PTH2R: variants seen among roughly 807,000 people sequenced by gnomAD.
The protein encoded by PTH2R is parathyroid hormone 2 receptor.
In PTH2R, 59 loss-of-function variants were observed where a neutral mutation model predicts 60.3. The observed-to-expected ratio is 0.98, with a 90% confidence interval of 0.79 to 1.22. The LOEUF (loss-of-function observed/expected upper bound fraction) is 1.22. Among genes scored for constraint, PTH2R ranks in the 50% most tolerant of loss-of-function variants. The pLI is 0.00. For missense variants in PTH2R, 749 were observed against 682.6 expected (o/e 1.10, Z -1.08); for synonymous variants, 256 against 243.8 (o/e 1.05, Z -0.47).
At chr2:208,430,047 C>T (rs1364260999) in intron 2 of PTH2R, among the ~76,000 whole-genome samples, 3 of 152,126 alleles carry the variant, frequency 2.0e-5, no homozygotes, top group African/African-American at 7.2e-5. Context: ...AGACATTTTT[C>T]TCATTTTATT....
At chr2:208,397,829 CAAG>C (rs1274104329) in intron 1 of PTH2R, among the ~76,000 whole-genome samples, 1 of 152,164 alleles carries the variant, frequency 6.6e-6, no homozygotes, top group African/African-American at 2.4e-5. Flanking sequence ...CATGTGGGCA[CAAG>C]AAGATGGCAG....
chr2:208,493,475 T>C lies in PTH2R; in HGVS notation c.1469T>C (p.Ile490Thr). Residue 490 changes from isoleucine to threonine, a missense_variant, in exon 13 of 13, where the codon ATC becomes ACC. Coordinates refer to ENST00000272847, the MANE Select transcript of PTH2R (RefSeq NM_005048.4). ...GCCAGCAGACAGCCTGACAGCCACA[T>C]CACTTTACCTGGCTATGTCTGGAGT... Reference protein sequence around the residue: ...KIASRQPDSHITLPGYVWSNS... With the variant: ...KIASRQPDSHTTLPGYVWSNS... 1 of 1,612,152 alleles carries C rather than the reference T, an allele frequency of 6.2e-7. No individual in the cohort carries two copies. The highest frequency in any genetic ancestry group is 8.5e-7 in the Non-Finnish European group (1 of 1,178,758).
chr2:208,465,270 C>T (rs1328105598), intron 9 of PTH2R, among the ~76,000 whole-genome samples: 1 of 152,008 alleles, frequency 6.6e-6, no homozygotes, highest in Non-Finnish European at 1.5e-5. Context: ...GCCACCATGC[C>T]CAGCCATATG....
At chr2:208,411,424 T>C (rs373410565) in intron 1 of PTH2R, among the ~76,000 whole-genome samples, 2 of 152,240 alleles carry the variant, frequency 1.3e-5, no homozygotes, top group South Asian at 2.1e-4. Context: ...CTTAAATCCC[T>C]GAGGAATGGG....
intron 1 of PTH2R, among the ~76,000 whole-genome samples, chr2:208,368,850 C>G (rs1279245609): frequency 6.6e-6 from 1 of 152,180 alleles, no homozygotes; most frequent in Non-Finnish European, 1.5e-5. Flanking sequence ...AAGGAAATCT[C>G]TCTACATTGA....
chr2:208,487,873 C>T (rs189277223), intron 10 of PTH2R, among the ~76,000 whole-genome samples: 218 of 152,284 alleles, frequency 1.4e-3, no homozygotes, highest in African/African-American at 4.3e-3. Flanking sequence ...CTTGCTTCAT[C>T]GAACCAAGCA....
intron 1 of PTH2R, among the ~76,000 whole-genome samples, chr2:208,398,403 T>A (rs1701250535): frequency 6.6e-6 from 1 of 152,168 alleles, no homozygotes; most frequent in Non-Finnish European, 1.5e-5. Flanking sequence ...TTTATGGTAA[T>A]GGTTGGTTGG....
chr2:208,460,158 C>G (rs1198168432), intron 9 of PTH2R, among the ~76,000 whole-genome samples, 197 bp downstream of exon 9: 1 of 152,104 alleles, frequency 6.6e-6, no homozygotes, highest in Non-Finnish European at 1.5e-5. Context: ...AGAAAGCCTT[C>G]CTTTAATCAG....
intron 7 of PTH2R, among the ~76,000 whole-genome samples, chr2:208,449,857 C>T (rs932009959): frequency 5.3e-5 from 8 of 152,092 alleles, no homozygotes; most frequent in Non-Finnish European, 1.0e-4. Flanking sequence ...ATTTTGTTTT[C>T]CCCTTTTGTA....
chr2:208,465,944 A>G (rs1258453495), intron 9 of PTH2R, among the ~76,000 whole-genome samples: 1 of 152,120 alleles, frequency 6.6e-6, no homozygotes, highest in Non-Finnish European at 1.5e-5. Context: ...GTCTATTTAT[A>G]ACTGCTATAA....
At chr2:208,401,920 C>T (rs1487051329), upstream of PTH2R, among the ~76,000 whole-genome samples, 3 of 152,166 alleles carry the variant, frequency 2.0e-5, no homozygotes, top group South Asian at 2.1e-4. Context: ...TACACAGCTC[C>T]CTGGTTCCTC....
intron 1 of PTH2R, among the ~76,000 whole-genome samples, chr2:208,399,880 T>A (rs1701276249): frequency 6.6e-6 from 1 of 152,200 alleles, no homozygotes; most frequent in African/African-American, 2.4e-5. Flanking sequence ...TCCTTTCTGA[T>A]AGAGAAAAGT....
chr2:208,450,749 G>C lies in PTH2R; in HGVS notation c.854G>C (p.Gly285Ala), dbSNP rs200192411. 2 of 1,613,634 alleles carry C rather than the reference G, an allele frequency of 1.2e-6. No individual in the cohort carries two copies. Among genetic ancestry groups the C allele is most frequent in the Non-Finnish European group, 1.7e-6 (2 of 1,179,798 alleles). The change falls in exon 8 of 13, where the codon GGG becomes GCG. Residue 285 changes from glycine (G) to alanine (A), a missense_variant and splice_region_variant. Transcript: ENST00000272847. ...YLWGFILIGW[G>A]FPAAFVAAWA... ...TCTCTGAATCATTTTCTGATTTCAG[G>C]GTTTCCAGCAGCATTTGTTGCAGCA...
rs184264063 is a variant in PTH2R, at chr2:208,482,918, C to T, written c.1076+1754C>T. ...GTGATGTGAAGCCTCCCTGACTGCA[C>T]GTCCATTCATAGGCTCTCTGCAGGG... is the stretch of plus-strand genomic sequence containing the variant. On this transcript the variant is annotated intron_variant, in intron 10 of 12. Transcript: ENST00000272847. Among the ~76,000 whole-genome samples, 7 of 152,342 alleles carry T rather than the reference C, an allele frequency of 4.6e-5. No homozygotes were observed. The East Asian group carries it at 7.7e-4, about 17-fold the overall frequency.
chr2:208,453,957 T>G (rs1386989402), intron 8 of PTH2R, among the ~76,000 whole-genome samples: 1 of 152,188 alleles, frequency 6.6e-6, no homozygotes, highest in East Asian at 1.9e-4. Context: ...AAAAAAATCT[T>G]GACCGCCCAT....
chr2:208,406,017 G>C (rs1389141367), upstream of PTH2R, among the ~76,000 whole-genome samples: 2 of 152,120 alleles, frequency 1.3e-5, no homozygotes, highest in African/African-American at 4.8e-5. Flanking sequence ...TTTTGTTATA[G>C]CATCCAGAGC....
chr2:208,483,019 T>C (rs894964246), intron 10 of PTH2R, among the ~76,000 whole-genome samples: 2 of 152,220 alleles, frequency 1.3e-5, no homozygotes, highest in African/African-American at 4.8e-5. Context: ...TGCATGCAAC[T>C]TTGTATTTAC....
upstream of PTH2R, among the ~76,000 whole-genome samples, chr2:208,405,407 ATAT>A (rs1486919942): frequency 6.6e-6 from 1 of 152,222 alleles, no homozygotes; most frequent in Non-Finnish European, 1.5e-5. Context: ...ACTGATCAAG[ATAT>A]TATAAATTAG....
At chr2:208,367,428 T>TC in intron 1 of PTH2R, among the ~76,000 whole-genome samples, 1 of 148,470 alleles carries the variant, frequency 6.7e-6, no homozygotes, top group East Asian at 2.0e-4. Flanking sequence ...CTCTTTCTTT[T>TC]TTTTTTTTTT....
Sources: allele counts gnomAD v4.1 joint callset (sites outside exome capture counted in the v4.1 genomes callset), GRCh38; gene constraint gnomAD v4.1.1; transcripts MANE v1.5; gene names NCBI Gene and HGNC (gene_info 2026-07-23, HGNC 2026-07-21).